The following UBQLN1 variants were observed in gnomAD, a reference collection of about 807,000 sequenced individuals.
UBQLN1 encodes ubiquilin 1.
In UBQLN1, 13 loss-of-function variants were observed where a neutral mutation model predicts 65.4. The ratio of observed to expected loss-of-function variants is 0.20; its 90% confidence interval spans 0.13 to 0.32. UBQLN1 has a LOEUF of 0.32. Ranked by LOEUF, UBQLN1 falls within the 10% of genes least tolerant of loss-of-function variation. UBQLN1 has a pLI of 1.00. For synonymous variants in UBQLN1, 267 were observed against 247.8 expected (o/e 1.08, Z -0.73); for missense variants, 561 against 724.0 (o/e 0.77, Z 2.58).
intron 7 of UBQLN1, 137 bp downstream of exon 7, chr9:83,669,048 A>T: frequency 9.8e-7 from 1 of 1,021,544 alleles, no homozygotes; most frequent in Non-Finnish European, 1.3e-6. Flanking sequence ...GGTCTAAAAA[A>T]TTGGAGACAC....
chr9:83,668,428 T>G, intron 7 of UBQLN1: 1 of 985,424 alleles, frequency 1.0e-6, no homozygotes, highest in Non-Finnish European at 1.2e-6. Flanking sequence ...AAGGTTTATT[T>G]CACATTCTCC....
At chr9:83,680,716 T>A (rs1006997451) in intron 3 of UBQLN1, among the ~76,000 whole-genome samples, 3 of 152,216 alleles carry the variant, frequency 2.0e-5, no homozygotes, top group African/African-American at 7.2e-5. Flanking sequence ...GTATCCTTTA[T>A]AATAAACAGG....
At chr9:83,701,382 A>G (rs956820295) in intron 1 of UBQLN1, among the ~76,000 whole-genome samples, 2 of 152,158 alleles carry the variant, frequency 1.3e-5, no homozygotes, top group Non-Finnish European at 2.9e-5. Flanking sequence ...ACTCTAGCCA[A>G]GTGCACTGCC....
At chr9:83,666,478 A>C in intron 7 of UBQLN1, 45 bp from the exon 8 acceptor site, 1 of 1,583,946 alleles carries the variant, frequency 6.3e-7, no homozygotes. Context: ...AATATCTGAA[A>C]CAAGTAATGT....
intron 5 of UBQLN1, 145 bp from the exon 6 acceptor site, chr9:83,678,106 C>T: frequency 1.5e-6 from 1 of 670,596 alleles, no homozygotes; most frequent in Non-Finnish European, 2.4e-6. Context: ...ACTGCAAGCT[C>T]CGCCTCCTGT....
intron 1 of UBQLN1, among the ~76,000 whole-genome samples, chr9:83,699,882 C>T (rs1393414022): frequency 2.6e-5 from 4 of 152,170 alleles, no homozygotes; most frequent in Non-Finnish European, 5.9e-5. Context: ...TGGCCTCTGC[C>T]CTAAGGCACC....
rs192942643 is a variant in UBQLN1, at chr9:83,671,077, T to G, written c.1106-1750A>C. ...AATTCCTAGGCTCAAGGGATCCTCC[T>G]GCCCGAACCTTCCAAAGTGCCGTGA... On this transcript the variant is annotated intron_variant, in intron 6 of 10. Coordinates refer to ENST00000376395, the MANE Select transcript of UBQLN1 (RefSeq NM_013438.5). Among the ~76,000 whole-genome samples, 63 of 152,304 alleles carry G rather than the reference T, an allele frequency of 4.1e-4. 1 individual carries two copies. The highest frequency in any genetic ancestry group is 1.5e-3 in the African/African-American group (62 of 41,570).
At chr9:83,699,955 T>G (rs1832284201) in intron 1 of UBQLN1, among the ~76,000 whole-genome samples, 1 of 152,194 alleles carries the variant, frequency 6.6e-6, no homozygotes, top group Non-Finnish European at 1.5e-5. Context: ...AACGGTATCT[T>G]GAAATCTGCC....
chr9:83,691,608 T>C (rs1329684428), intron 1 of UBQLN1, among the ~76,000 whole-genome samples: 1 of 152,186 alleles, frequency 6.6e-6, no homozygotes, highest in Non-Finnish European at 1.5e-5. Flanking sequence ...CATTAATCAT[T>C]ATTACACAGC....
chr9:83,660,808 G>A lies in UBQLN1; in HGVS notation c.*979C>T, dbSNP rs370680888. The A allele has an allele frequency of 4.6e-5, 7 of 152,632 alleles. No homozygotes were observed. Among genetic ancestry groups the A allele is most frequent in the South Asian group, 2.1e-4 (1 of 4,814 alleles). 9.5% of individuals were successfully genotyped at this position (152,632 alleles called of 1,614,324 possible). ...TGTATTGCCTGTGCATGAGAAAACAGATAAACCCAAAAGATAGTTCTATTT... is the reference window on the plus strand; with the variant it reads ...TGTATTGCCTGTGCATGAGAAAACAAATAAACCCAAAAGATAGTTCTATTT... On this transcript the variant is annotated 3_prime_UTR_variant, in exon 11 of 11. Transcript: ENST00000376395.
intron 6 of UBQLN1, 115 bp from the exon 7 acceptor site, chr9:83,669,442 T>C: frequency 1.0e-6 from 1 of 983,474 alleles, no homozygotes; most frequent in African/African-American, 1.7e-5. Context: ...TGATTATACA[T>C]ATTATGTATC....
intron 3 of UBQLN1, among the ~76,000 whole-genome samples, chr9:83,682,111 A>C (rs947739293): frequency 3.5e-4 from 53 of 151,964 alleles, no homozygotes; most frequent in African/African-American, 1.2e-3. Flanking sequence ...GGTGAAACCC[A>C]GTCTCTACTA....
intron 1 of UBQLN1, among the ~76,000 whole-genome samples, chr9:83,706,623 T>C (rs2131196230): frequency 6.6e-6 from 1 of 152,250 alleles, no homozygotes; most frequent in East Asian, 1.9e-4. Context: ...AAACACGACG[T>C]ATTCAACAAT....
At chr9:83,707,454 G>C (rs781757120) in intron 1 of UBQLN1, 46 bp downstream of exon 1, 18 of 1,559,394 alleles carry the variant, frequency 1.2e-5, no homozygotes, top group Non-Finnish European at 1.4e-5. Context: ...GCGGGCGGAG[G>C]TCCTGCCGCC....
intron 1 of UBQLN1, among the ~76,000 whole-genome samples, chr9:83,693,427 ACT>A (rs1445488383): frequency 6.6e-6 from 1 of 151,116 alleles, no homozygotes; most frequent in Non-Finnish European, 1.5e-5. Flanking sequence ...AACTGTCCAG[ACT>A]CTCAAGGTAT....
intron 2 of UBQLN1, among the ~76,000 whole-genome samples, chr9:83,684,461 C>G (rs997029748): frequency 6.6e-6 from 1 of 151,962 alleles, no homozygotes; most frequent in African/African-American, 2.4e-5. Context: ...TCCCAAAGTG[C>G]TCAGATTTCA....
chr9:83,665,040 G>T lies in UBQLN1; in HGVS notation c.1438C>A (p.Leu480Ile). The T allele has an allele frequency of 6.2e-7, 1 of 1,612,436 alleles. No homozygotes were observed. The highest frequency in any genetic ancestry group is 1.7e-5 in the Admixed American group (1 of 59,864). Residue 480 changes from leucine (L) to isoleucine (I), a missense_variant, in exon 9 of 11, where the codon CTC (leucine) becomes ATC (isoleucine). Physicochemically the swap from Leu to Ile is conservative, Grantham distance 5 (BLOSUM62 2). Transcript: ENST00000376395. ...LQTLATEAPG[L>I]IPGFTPGLGA... ...CCCAAATAAGCCTACCCTGGGATGA[G>T]GCCCGGGGCTTCCGTTGCTAATGTC...
At position 83,707,660 on chromosome 9, in the gene UBQLN1, C is replaced by G. The variant is rs764477803; in HGVS notation, c.20G>C (p.Ser7Thr). Residue 7 changes from serine (S) to threonine (T), a missense_variant, in exon 1 of 11, where the codon AGC becomes ACC. By Grantham distance (58) the Ser-to-Thr change is moderately conservative. Coordinates refer to ENST00000376395, the MANE Select transcript of UBQLN1 (RefSeq NM_013438.5). MAESGESGGPPGSQDSA... is the reference protein window; with the variant it reads MAESGETGGPPGSQDSA... The stretch of plus-strand genomic sequence containing the variant: ...ATCCTGGGAGCCCGGAGGACCGCCG[C>G]TTTCACCACTCTCGGCCATGGCTGT... 17 of 1,557,278 alleles carry G rather than the reference C, an allele frequency of 1.1e-5. No individual in the cohort carries two copies. Among genetic ancestry groups the G allele is most frequent in the Middle Eastern group, 1.8e-4 (1 of 5,542 alleles).
chr9:83,699,399 C>T (rs549015676), intron 1 of UBQLN1, among the ~76,000 whole-genome samples: 16 of 152,312 alleles, frequency 1.1e-4, no homozygotes, highest in Non-Finnish European at 2.1e-4. Flanking sequence ...TGGAATGCTG[C>T]GGTGCAATCA....
Sources: allele counts gnomAD v4.1 joint callset (sites outside exome capture counted in the v4.1 genomes callset), GRCh38; gene constraint gnomAD v4.1.1; transcripts MANE v1.5; gene names NCBI Gene and HGNC (gene_info 2026-07-23, HGNC 2026-07-21).